Variants in UCKL1 observed in about 807,000 individuals in gnomAD.
UCKL1 encodes the protein uridine-cytidine kinase-like 1.
Under a neutral mutation model 59.2 loss-of-function variants are expected in UCKL1, and 65 were observed. That is an observed-to-expected ratio of 1.10 (90% CI 0.90 to 1.35). UCKL1 has a LOEUF of 1.35. UCKL1 is among the 40% of genes most tolerant of loss of function. The probability of loss-of-function intolerance (pLI) is 0.00; values close to 1 mark genes in which losing one functional copy is unlikely to be tolerated. For synonymous variants in UCKL1, 410 were observed against 323.1 expected (o/e 1.27, Z -2.88); for missense variants, 703 against 784.3 (o/e 0.90, Z 1.24).
At chr20:63,946,105 G>T (rs2056112078) in intron 3 of UCKL1, 56 bp downstream of exon 3, 2 of 1,607,676 alleles carry the variant, frequency 1.2e-6, no homozygotes, top group Non-Finnish European at 1.7e-6. Context: ...TTTGCAGGGG[G>T]TCCAGGGTCA....
At chr20:63,951,077 T>C in intron 1 of UCKL1, 1 of 1,200,242 alleles carries the variant, frequency 8.3e-7, no homozygotes, top group Non-Finnish European at 1.0e-6. Context: ...GCCTGCCAAA[T>C]GTCAGCAGAG....
At chr20:63,950,972 T>G in intron 1 of UCKL1, 1 of 1,302,598 alleles carries the variant, frequency 7.7e-7, no homozygotes, top group Non-Finnish European at 9.8e-7. Context: ...TCCGGCCACC[T>G]GAACTGGCCC....
rs749443798 is a variant in UCKL1 at position 63,944,684 on chromosome 20, T to G, written c.705A>C (p.Val235=). 3 of 1,612,976 alleles carry G rather than the reference T, an allele frequency of 1.9e-6. No homozygotes were observed. The highest frequency in any genetic ancestry group is 8.5e-7 in the Non-Finnish European group (1 of 1,179,964). The change falls in exon 6 of 15, where the codon GTA becomes GTC. Residue 235 remains valine (V), a synonymous_variant. Transcript: ENST00000354216. ...CACTGATGTCCCGGCGCAGCCGCCGTACCAGGCGGATGTCGGAGTCTGTGT... is the reference window on the plus strand; with the variant it reads ...CACTGATGTCCCGGCGCAGCCGCCGGACCAGGCGGATGTCGGAGTCTGTGT... ...FVDTDSDIRL[V]RRLRRDISER... is the part of the protein sequence containing the mutation.
chr20:63,940,373 C>G lies in UCKL1; in HGVS notation c.1410+5G>C, dbSNP rs1347131479. 3 of 1,611,766 alleles carry G rather than the reference C, an allele frequency of 1.9e-6. No individual in the cohort carries two copies. Among genetic ancestry groups the G allele is most frequent in the Non-Finnish European group, 2.5e-6 (3 of 1,179,174 alleles). The stretch of plus-strand genomic sequence containing the variant: ...ACCTGCCCCGCCTACCCAGGGCTCA[C>G]TCACCAGGAGCACGCGCACTGCCAT... On this transcript the variant is annotated splice_donor_5th_base_variant and intron_variant, in intron 13 of 14. Transcript: ENST00000354216.
intron 1 of UCKL1, among the ~76,000 whole-genome samples, chr20:63,947,387 C>T (rs971581873): frequency 6.6e-5 from 10 of 152,372 alleles, no homozygotes; most frequent in South Asian, 2.1e-4. Flanking sequence ...GCAGCCAAAT[C>T]GCTGCCATGC....
Position 63,940,612 on chromosome 20 carries a change from C to CTGGT in UCKL1, c.1280_1283dup (p.Leu429ProfsTer20), listed in dbSNP as rs2054117536. On this transcript the variant is annotated frameshift_variant, in exon 12 of 15. Transcript: ENST00000354216. LOFTEE classifies it high-confidence loss of function. ...CAGGCACCTCGGGCTCCCCGGTAAG[C>CTGGT]TGGTTGGTCTGGATGAGGATGGTGC... is the stretch of plus-strand genomic sequence containing the variant. The CTGGT allele has an allele frequency of 6.2e-7, 1 of 1,609,322 alleles. No homozygotes were observed. Among genetic ancestry groups the CTGGT allele is most frequent in the Non-Finnish European group, 8.5e-7 (1 of 1,179,650 alleles).
At position 63,944,611 on chromosome 20, in the gene UCKL1, C is replaced by T. The variant is rs1420682009; in HGVS notation, c.778G>A (p.Val260Ile). 6.2e-7 allele frequency: 1 copy of T among 1,613,208 alleles called. No individual in the cohort carries two copies. The highest frequency in any genetic ancestry group is 8.5e-7 in the Non-Finnish European group (1 of 1,179,916). The change falls in exon 6 of 15, where the codon GTC becomes ATC. Residue 260 changes from valine to isoleucine, a missense_variant. Transcript: ENST00000354216. ...ATGTACTGGTCGAAGGAGGGCTTGA[C>T]AAACTTGTTGTACTGCTTGATGACA... ...EGVIKQYNKFVKPSFDQYIQP... is the reference protein window; with the variant it reads ...EGVIKQYNKFIKPSFDQYIQP...
chr20:63,956,026 C>T, intron 1 of UCKL1: 1 of 408,160 alleles, frequency 2.5e-6, no homozygotes, highest in South Asian at 3.8e-5. Context: ...GGGGTGCGCA[C>T]CCGGACTCCT....
rs375972770 is a variant in UCKL1 at position 63,941,040 on chromosome 20, G to T, written c.1026C>A (p.Asp342Glu). 3.8e-6 allele frequency: 6 copies of T among 1,582,264 alleles called. No homozygotes were observed. The highest frequency in any genetic ancestry group is 3.4e-6 in the Non-Finnish European group (4 of 1,166,978). The change falls in exon 10 of 15, where the codon GAC becomes GAA. Residue 342 changes from aspartate to glutamate, a missense_variant. Physicochemically the swap from Asp to Glu is conservative, Grantham distance 45 (BLOSUM62 2). Around this residue, in one of 4 missense-constraint regions of UCKL1, gnomAD observed 156 missense variants for 185.6 expected, o/e 0.84. Transcript: ENST00000354216. ...TGAACTCGTCGCGACTGGTCTCCTT[G>T]TCCCTGTGGGGCCAACAGTTGAGCG... ...QVRGMHTIIR[D>E]KETSRDEFIF... is the part of the protein sequence containing the mutation.
intron 1 of UCKL1, 68 bp downstream of exon 1, chr20:63,956,192 G>C (rs894447570): frequency 3.2e-5 from 43 of 1,357,016 alleles, no homozygotes; most frequent in Non-Finnish European, 4.1e-5. Flanking sequence ...CGGACCACCC[G>C]CCCAGCTCGG....
At position 63,943,928 on chromosome 20, in the gene UCKL1, T is replaced by C. The variant is rs567449841; in HGVS notation, c.907-259A>G. Among the ~76,000 whole-genome samples, 3 of 152,064 alleles carry C rather than the reference T, an allele frequency of 2.0e-5. No homozygotes were observed. The South Asian group carries it at 6.2e-4, about 32-fold the overall frequency. ...AGGCCTTCAACATCCTGGTAGGGAG[T>C]GTGTTCAGAGCCACTCAGGCTCCAA... On this transcript the variant is annotated intron_variant, in intron 7 of 14. Transcript: ENST00000354216.
chr20:63,940,238 T>C lies in UCKL1; in HGVS notation c.1479A>G (p.Ser493=), dbSNP rs202240969. 1.9e-6 allele frequency: 3 copies of C among 1,612,804 alleles called. No individual in the cohort carries two copies. The highest frequency in any genetic ancestry group is 2.7e-5 in the African/African-American group (2 of 75,058). ...TCACTCGCGGAAATGCATAGGCCAC[T>C]GAGTGCACGCCCATCTCTGCCATGA... ...SLLMAEMGVH[S]VAYAFPRVRI... The change falls in exon 14 of 15, where the codon TCA becomes TCG. Residue 493 remains serine (S), a synonymous_variant. Coordinates refer to ENST00000354216, the MANE Select transcript of UCKL1 (RefSeq NM_017859.4).
chr20:63,941,814 G>A (rs937904058), intron 8 of UCKL1, among the ~76,000 whole-genome samples: 1 of 152,060 alleles, frequency 6.6e-6, no homozygotes, highest in Non-Finnish European at 1.5e-5. Flanking sequence ...AGGTGGGACA[G>A]GGAGGAGGCA....
Position 63,956,286 on chromosome 20 carries a change from C to A in UCKL1, c.87G>T (p.Glu29Asp). The change falls in exon 1 of 15, where the codon GAG becomes GAT. Residue 29 changes from glutamate (E) to aspartate (D), a missense_variant. Physicochemically the swap from Glu to Asp is conservative, Grantham distance 45. Around this residue, in one of 4 missense-constraint regions of UCKL1, gnomAD observed 398 missense variants for 373.0 expected, o/e 1.07. Transcript: ENST00000354216. ...GGTCCTCGCACGCGGTCTCGCTTTT[C>A]TCAGCCTGCCGGCCTGGTGTGTCTC... Reference protein sequence around the residue: ...TARDTPGRQAEKSETACEDRS... With the variant: ...TARDTPGRQADKSETACEDRS... The A allele has an allele frequency of 6.4e-7, 1 of 1,559,772 alleles. No homozygotes were observed. The highest frequency in any genetic ancestry group is 8.6e-7 in the Non-Finnish European group (1 of 1,157,570).
chr20:63,942,026 T>G (rs112927913), intron 8 of UCKL1, among the ~76,000 whole-genome samples: 2 of 43,700 alleles, frequency 4.6e-5, no homozygotes, highest in African/African-American at 2.1e-4. Context: ...GAATGGGGTG[T>G]GGCAGGGCAG....
intron 1 of UCKL1, chr20:63,954,673 CAA>C (rs921386346): frequency 5.9e-5 from 9 of 152,370 alleles, no homozygotes; most frequent in East Asian, 5.8e-4. Flanking sequence ...GTGCCTAAGA[CAA>C]GAGGCAGTTC....
Position 63,944,649 on chromosome 20 carries a change from C to T in UCKL1, c.740G>A (p.Arg247Gln). ...CTGCTTGATGACACCCTCGATGTCC[C>T]GGCCGCGCTCACTGATGTCCCGGCG... ...RLRRDISERG[R>Q]DIEGVIKQYN... is the part of the protein sequence containing the mutation. Residue 247 changes from arginine to glutamine, a missense_variant, in exon 6 of 15, where the codon CGG becomes CAG. Transcript: ENST00000354216. 5.0e-6 allele frequency: 8 copies of T among 1,612,860 alleles called. No homozygotes were observed. Among genetic ancestry groups the T allele is most frequent in the East Asian group, 4.5e-5 (2 of 44,880 alleles).
At chr20:63,941,328 G>A (rs2054332020) in intron 8 of UCKL1, 120 bp from the exon 9 acceptor site, 1 of 1,416,452 alleles carries the variant, frequency 7.1e-7, no homozygotes, top group East Asian at 2.6e-5. Flanking sequence ...AGCACGAGGT[G>A]CAGAGCGGGC....
Position 63,946,614 on chromosome 20 carries a change from A to G in UCKL1, c.143T>C (p.Leu48Pro). 1 of 1,610,216 alleles carries G rather than the reference A, an allele frequency of 6.2e-7. No homozygotes were observed. Among genetic ancestry groups the G allele is most frequent in the African/African-American group, 1.3e-5 (1 of 75,056 alleles). The change falls in exon 2 of 15, where the codon CTG (leucine) becomes CCG (proline). Residue 48 changes from leucine (L) to proline (P), a missense_variant. Physicochemically the swap from Leu to Pro is moderately conservative, Grantham distance 98 (BLOSUM62 -3). Coordinates refer to ENST00000354216, the MANE Select transcript of UCKL1 (RefSeq NM_017859.4). The stretch of plus-strand genomic sequence containing the variant: ...AGAGCGCCCAGTGCCCACAGGTGGC[A>G]GGAGCCTGTCCAGGGACTCTGCATT... Reference protein sequence around the residue: ...RSNAESLDRLLPPVGTGRSPR... With the variant: ...RSNAESLDRLPPPVGTGRSPR...
Sources: gnomAD v4.1 joint callset for allele counts (sites outside exome capture counted in the v4.1 genomes callset) on GRCh38, gnomAD v4.1.1 for gene constraint, gnomAD v4.1.1 regional missense constraint, MANE v1.5 for transcripts, NCBI Gene and HGNC (gene_info 2026-07-23, HGNC 2026-07-21) for gene names.